RANBP17: variants seen among roughly 807,000 people sequenced by gnomAD.
RANBP17 encodes ran-binding protein 17.
RANBP17 carries 158 observed loss-of-function variants against 141.2 expected under a neutral mutation model. The ratio of observed to expected loss-of-function variants is 1.12; its 90% CI spans 0.98 to 1.28. The LOEUF (loss-of-function observed/expected upper bound fraction) is 1.28, where lower values mean the gene tolerates loss of function less well. Among genes scored for constraint, RANBP17 ranks in the 50% most tolerant of loss-of-function variants. The probability of loss-of-function intolerance (pLI) is 0.00; values close to 1 mark genes in which losing one functional copy is unlikely to be tolerated. For missense variants in RANBP17, 1,438 were observed against 1,290.7 expected (o/e 1.11, Z -1.75); for synonymous variants, 430 against 450.0 (o/e 0.96, Z 0.56).
At chr5:171,229,874 T>C (rs1764103754) in intron 22 of RANBP17, among the ~76,000 whole-genome samples, 1 of 150,820 alleles carries the variant, frequency 6.6e-6, no homozygotes, top group South Asian at 2.1e-4. Flanking sequence ...AAGACCAGCC[T>C]GACCAACATG....
At chr5:171,265,162 C>T (rs1766585857) in intron 24 of RANBP17, among the ~76,000 whole-genome samples, 1 of 152,208 alleles carries the variant, frequency 6.6e-6, no homozygotes, top group Non-Finnish European at 1.5e-5. Context: ...AAAAATCTGC[C>T]TAATCTATCC....
At chr5:171,285,804 A>G (rs1262169083) in intron 25 of RANBP17, among the ~76,000 whole-genome samples, 2 of 152,234 alleles carry the variant, frequency 1.3e-5, no homozygotes, top group Admixed American at 1.3e-4. Context: ...TGAATTATTT[A>G]TCATAATTTA....
At chr5:171,198,383 C>T (rs1363286448) in intron 18 of RANBP17, among the ~76,000 whole-genome samples, 1 of 152,168 alleles carries the variant, frequency 6.6e-6, no homozygotes, top group African/African-American at 2.4e-5. Context: ...CTGTTGTACT[C>T]CTGAAACAAT....
At chr5:171,237,314 G>A (rs1464508956) in intron 22 of RANBP17, among the ~76,000 whole-genome samples, 1 of 152,186 alleles carries the variant, frequency 6.6e-6, no homozygotes, top group Admixed American at 6.5e-5. Flanking sequence ...GCCAAATTAT[G>A]TAGATCAGGA....
intron 14 of RANBP17, among the ~76,000 whole-genome samples, chr5:171,129,571 C>T (rs1233920674): frequency 6.6e-6 from 1 of 152,194 alleles, no homozygotes; most frequent in African/African-American, 2.4e-5. Flanking sequence ...GGCATTGCAG[C>T]TTCAGAACTC....
intron 14 of RANBP17, among the ~76,000 whole-genome samples, chr5:171,042,778 A>G (rs935077107): frequency 1.3e-5 from 2 of 152,032 alleles, no homozygotes; most frequent in African/African-American, 2.4e-5. Flanking sequence ...AACCCACTCT[A>G]GGGGGGGTCA....
At chr5:171,083,979 AC>A (rs1317329165) in intron 14 of RANBP17, among the ~76,000 whole-genome samples, 4 of 146,866 alleles carry the variant, frequency 2.7e-5, no homozygotes, top group South Asian at 4.4e-4. Context: ...TTTTAATTAT[AC>A]TTTAAGTTTT....
chr5:170,910,715 C>G, intron 6 of RANBP17: 1 of 397,052 alleles, frequency 2.5e-6, no homozygotes. Flanking sequence ...GGATTGTTCT[C>G]CAGAAGCTTT....
intron 4 of RANBP17, among the ~76,000 whole-genome samples, chr5:170,895,536 C>G (rs1360896659): frequency 6.6e-6 from 1 of 152,094 alleles, no homozygotes. Context: ...CATATACATG[C>G]ACAATTAATG....
intron 23 of RANBP17, among the ~76,000 whole-genome samples, chr5:171,241,355 C>T (rs1050334014): frequency 3.3e-5 from 5 of 149,868 alleles, no homozygotes; most frequent in African/African-American, 9.8e-5. Context: ...CCAATATGTG[C>T]CCAATGTAGT....
At chr5:170,923,701 G>A (rs1339063254) in intron 11 of RANBP17, among the ~76,000 whole-genome samples, 1 of 152,114 alleles carries the variant, frequency 6.6e-6, no homozygotes, top group Non-Finnish European at 1.5e-5. Flanking sequence ...TTAGCCTTCA[G>A]ATCTTGCATA....
intron 14 of RANBP17, among the ~76,000 whole-genome samples, chr5:171,147,382 G>GTGTGTGT (rs1315097543): frequency 4.1e-4 from 13 of 32,068 alleles, no homozygotes; most frequent in South Asian, 3.5e-3. Context: ...TGTGTGTGTG[G>GTGTGTGT]TTGTTTGTTT....
At chr5:171,181,969 T>C (rs755399073) in intron 16 of RANBP17, among the ~76,000 whole-genome samples, 5 of 152,256 alleles carry the variant, frequency 3.3e-5, no homozygotes, top group Non-Finnish European at 7.3e-5. Context: ...CTAGGTTTAT[T>C]ACTTGGATTC....
rs759447716 is a variant in RANBP17, at chr5:171,213,742, A to G, written c.2339+4A>G. 45 of 1,597,058 alleles carry G rather than the reference A, an allele frequency of 2.8e-5. 2 individuals carry two copies. The South Asian group carries it at 5.0e-4, about 18-fold the overall frequency. On this transcript the variant is annotated splice_donor_region_variant and intron_variant, in intron 21 of 27. Coordinates refer to ENST00000523189, the MANE Select transcript of RANBP17 (RefSeq NM_022897.5). The stretch of plus-strand genomic sequence containing the variant: ...TGGCAGAACTTATGCAAAACAGGTA[A>G]GCAGTGTGACAGGCAGTGAGAAAAA...
At chr5:171,153,897 C>A (rs188534993) in intron 14 of RANBP17, among the ~76,000 whole-genome samples, 381 of 152,018 alleles carry the variant, frequency 2.5e-3, no homozygotes, top group African/African-American at 8.9e-3. Flanking sequence ...CATGGTGGCA[C>A]ATACCTGTAA....
intron 25 of RANBP17, among the ~76,000 whole-genome samples, chr5:171,274,149 T>TGTGTGCGCGCGC (rs34291143): frequency 7.9e-6 from 1 of 126,770 alleles, no homozygotes; most frequent in African/African-American, 3.1e-5. Flanking sequence ...TGTGTGTGTG[T>TGTGTGCGCGCGC]GCGCGCGCGC....
chr5:171,272,848 G>GT (rs1554127259), intron 25 of RANBP17, among the ~76,000 whole-genome samples: 1 of 152,174 alleles, frequency 6.6e-6, no homozygotes, highest in Non-Finnish European at 1.5e-5. Flanking sequence ...AAGTGGCTTT[G>GT]CAGTTGCTGC....
At chr5:170,953,507 G>A in intron 12 of RANBP17, 90 bp from the exon 13 acceptor site, 2 of 763,764 alleles carry the variant, frequency 2.6e-6, no homozygotes. Flanking sequence ...TGGAAGAACA[G>A]ATCATTGTGC....
Position 171,221,892 on chromosome 5 carries a change from A to C in RANBP17, c.2422+52A>C, listed in dbSNP as rs867156494. On this transcript the variant is annotated intron_variant, in intron 22 of 27. Transcript: ENST00000523189. ...CTGCAATATAGTTTTATCTCTTTAG[A>C]GGAAAGAAAGATGTTAGTTATTTTG... 1.5e-5 allele frequency: 16 copies of C among 1,046,230 alleles called. No individual in the cohort carries two copies. In the Middle Eastern group the frequency reaches 2.5e-3, roughly 162 times the overall value. 64.8% of individuals were successfully genotyped at this position (1,046,230 alleles called of 1,614,324 possible).
Sources: gnomAD v4.1 joint callset for allele counts (sites outside exome capture counted in the v4.1 genomes callset) on GRCh38, gnomAD v4.1.1 for gene constraint, MANE v1.5 for transcripts, NCBI Gene and HGNC (gene_info 2026-07-23, HGNC 2026-07-21) for gene names.